DMXL2: variants seen among roughly 807,000 people sequenced by gnomAD.
DMXL2 encodes the protein dmX-like protein 2.
Under a neutral mutation model 331.1 loss-of-function variants are expected in DMXL2, and 103 were observed. The observed-to-expected ratio is 0.31, with a 90% confidence interval of 0.27 to 0.37. The LOEUF is 0.37. DMXL2 is among the 10% of genes least tolerant of loss of function. The pLI is 1.00. For missense variants in DMXL2, 3,171 were observed against 3,642.9 expected (o/e 0.87, Z 3.33); for synonymous variants, 1,281 against 1,252.1 (o/e 1.02, Z -0.49).
intron 13 of DMXL2, 132 bp downstream of exon 13, chr15:51,535,531 A>G (rs1251057254): frequency 4.2e-6 from 3 of 721,198 alleles, no homozygotes; most frequent in Non-Finnish European, 6.2e-6. Context: ...AATGTGTCAT[A>G]TATATGTCAT....
intron 1 of DMXL2, among the ~76,000 whole-genome samples, chr15:51,596,441 G>C (rs1206498537): frequency 6.6e-6 from 1 of 152,164 alleles, no homozygotes; most frequent in Non-Finnish European, 1.5e-5. Context: ...GAGAGGATGT[G>C]GAGAAATAGG....
chr15:51,538,120 G>A (rs1796644274), intron 10 of DMXL2, 93 bp downstream of exon 10: 1 of 1,432,316 alleles, frequency 7.0e-7, no homozygotes, highest in Non-Finnish European at 9.4e-7. Flanking sequence ...GTAAAAAGGA[G>A]GAAGAGCGGG....
chr15:51,480,077 T>C lies in DMXL2; in HGVS notation c.6627A>G (p.Ser2209=). 1 of 1,601,420 alleles carries C rather than the reference T, an allele frequency of 6.2e-7. No homozygotes were observed. Among genetic ancestry groups the C allele is most frequent in the Non-Finnish European group, 8.5e-7 (1 of 1,170,298 alleles). The part of the protein sequence containing the change: ...LPLPTTLPLL[S]ASIASTKTVI... ...CTGTTTTTGTTGACGCAATACTTGC[T>C]GAAAGCAGAGGTAGGGTGGTAGGCA... The change falls in exon 25 of 44, where the codon TCA becomes TCG. Residue 2209 remains serine (S), a synonymous_variant. Transcript: ENST00000560891.
At chr15:51,579,400 C>A (rs1407324771) in intron 1 of DMXL2, among the ~76,000 whole-genome samples, 1 of 152,108 alleles carries the variant, frequency 6.6e-6, no homozygotes, top group Non-Finnish European at 1.5e-5. Context: ...TATAATCAGT[C>A]AGTACTGAAT....
At chr15:51,457,712 A>G (rs1232525968) in intron 36 of DMXL2, 3 of 388,618 alleles carry the variant, frequency 7.7e-6, no homozygotes, top group South Asian at 4.5e-5. Context: ...AGTTGAAACA[A>G]AAGTTTGTTG....
chr15:51,622,322 A>C, intron 1 of DMXL2, 137 bp downstream of exon 1: 1 of 1,161,770 alleles, frequency 8.6e-7, no homozygotes, highest in Non-Finnish European at 1.2e-6. Flanking sequence ...ACTAAACCCC[A>C]AGGCTGCAAA....
At chr15:51,570,391 T>G (rs1258826015) in intron 2 of DMXL2, among the ~76,000 whole-genome samples, 1 of 151,950 alleles carries the variant, frequency 6.6e-6, no homozygotes, top group Non-Finnish European at 1.5e-5. Flanking sequence ...CCAGGAGAGT[T>G]TCCCCAACCT....
At chr15:51,504,079 T>C (rs769512337) in intron 16 of DMXL2, among the ~76,000 whole-genome samples, 2 of 152,168 alleles carry the variant, frequency 1.3e-5, no homozygotes, top group Non-Finnish European at 2.9e-5. Context: ...TTGAGGAATT[T>C]GTTAACATGC....
chr15:51,568,613 C>G, intron 2 of DMXL2, 55 bp from the exon 3 acceptor site: 2 of 1,138,568 alleles, frequency 1.8e-6, no homozygotes, highest in South Asian at 1.4e-5. Flanking sequence ...ATAAAGATAT[C>G]TTCCTTTTCA....
At chr15:51,530,846 T>C (rs1048473777) in intron 13 of DMXL2, among the ~76,000 whole-genome samples, 3 of 152,076 alleles carry the variant, frequency 2.0e-5, no homozygotes, top group African/African-American at 7.2e-5. Flanking sequence ...AAGATCTCTA[T>C]AATGAAAACT....
chr15:51,602,926 T>A (rs2053330828), intron 1 of DMXL2, among the ~76,000 whole-genome samples: 2 of 152,140 alleles, frequency 1.3e-5, no homozygotes, highest in African/African-American at 4.8e-5. Flanking sequence ...TATAAAGAAC[T>A]AAGAAAATCT....
chr15:51,530,897 T>C (rs577853044), intron 13 of DMXL2, among the ~76,000 whole-genome samples: 1 of 152,094 alleles, frequency 6.6e-6, no homozygotes, highest in African/African-American at 2.4e-5. Context: ...ACAAAAAAAA[T>C]GGAAAGATAT....
At chr15:51,594,791 T>C (rs139063008) in intron 1 of DMXL2, among the ~76,000 whole-genome samples, 2,476 of 152,284 alleles carry the variant, frequency 0.016, 36 homozygotes, top group Non-Finnish European at 0.026. Context: ...ATCCAGCATA[T>C]AAACAGAACC....
chr15:51,570,167 A>G (rs2050568423), intron 2 of DMXL2, among the ~76,000 whole-genome samples: 2 of 152,128 alleles, frequency 1.3e-5, no homozygotes, highest in Non-Finnish European at 2.9e-5. Context: ...CAATAGCCGA[A>G]CTGATCAAGC....
At chr15:51,494,338 A>G (rs1208128420) in intron 19 of DMXL2, among the ~76,000 whole-genome samples, 1 of 152,138 alleles carries the variant, frequency 6.6e-6, no homozygotes, top group East Asian at 1.9e-4. Context: ...GTTCTATAAT[A>G]CTAAGACGTA....
intron 9 of DMXL2, among the ~76,000 whole-genome samples, chr15:51,539,377 G>A (rs2048465415): frequency 6.6e-6 from 1 of 151,970 alleles, no homozygotes; most frequent in East Asian, 1.9e-4. Flanking sequence ...ACTTTTCTCA[G>A]TGTTTGAAAC....
intron 8 of DMXL2, among the ~76,000 whole-genome samples, chr15:51,543,488 T>C (rs188638858): frequency 2.2e-4 from 33 of 152,314 alleles, no homozygotes; most frequent in Admixed American, 3.9e-4. Flanking sequence ...AGGGTTAAGA[T>C]TGACATTAGA....
At chr15:51,452,300 T>C (rs2039216360) in intron 41 of DMXL2, among the ~76,000 whole-genome samples, 1 of 151,958 alleles carries the variant, frequency 6.6e-6, no homozygotes, top group South Asian at 2.1e-4. Flanking sequence ...CTAATTAAAC[T>C]AAAACACTTC....
intron 1 of DMXL2, among the ~76,000 whole-genome samples, chr15:51,577,433 G>A (rs1164713879): frequency 2.6e-5 from 4 of 152,112 alleles, no homozygotes; most frequent in South Asian, 2.1e-4. Flanking sequence ...CAACCCATGT[G>A]TTTATAAAAA....
Sources: gnomAD v4.1 joint callset for allele counts (sites outside exome capture counted in the v4.1 genomes callset) on GRCh38, gnomAD v4.1.1 for gene constraint, MANE v1.5 for transcripts, NCBI Gene and HGNC (gene_info 2026-07-23, HGNC 2026-07-21) for gene names.